Variants in CLSTN1 observed in about 807,000 individuals in gnomAD.
CLSTN1 encodes calsyntenin-1.
CLSTN1 carries 28 observed loss-of-function variants against 108.3 expected under a neutral mutation model. The observed-to-expected ratio is 0.26, with a 90% confidence interval of 0.19 to 0.35. CLSTN1 has a LOEUF of 0.35. Ranked by LOEUF, CLSTN1 falls within the 10% of genes least tolerant of loss-of-function variation. The probability of loss-of-function intolerance (pLI) is 1.00; values close to 1 mark genes in which losing one functional copy is unlikely to be tolerated. For missense variants in CLSTN1, 1,157 were observed against 1,302.6 expected (o/e 0.89, Z 1.72); for synonymous variants, 524 against 534.9 (o/e 0.98, Z 0.28).
chr1:9,818,003 C>CTT (rs35244076), intron 1 of CLSTN1, among the ~76,000 whole-genome samples: 1 of 89,112 alleles, frequency 1.1e-5, no homozygotes, highest in Non-Finnish European at 2.3e-5. Flanking sequence ...GTTAGTTTGG[C>CTT]TTTTTTTTTT....
chr1:9,737,303 C>T (rs953546498), intron 11 of CLSTN1, among the ~76,000 whole-genome samples, 195 bp downstream of exon 11: 3 of 152,014 alleles, frequency 2.0e-5, no homozygotes, highest in African/African-American at 7.3e-5. Flanking sequence ...TGTCATTTGT[C>T]CTCACTCCAG....
rs183483236 is a variant in CLSTN1 at position 9,820,322 on chromosome 1, C to T, written c.91+3321G>A. Among the ~76,000 whole-genome samples, 52 of 152,214 alleles carry T rather than the reference C, an allele frequency of 3.4e-4. 1 individual carries two copies. In the East Asian group the frequency reaches 9.5e-3, roughly 28 times the overall value. ...ATCACTTGAGGTCAGAAGTTCAGAC[C>T]AGCCTGGCCAACATGGTGAAACCCT... On this transcript the variant is annotated intron_variant, in intron 1 of 18. Transcript: ENST00000377298.
chr1:9,735,992 T>C lies in CLSTN1; in HGVS notation c.1627A>G (p.Thr543Ala), dbSNP rs750117820. ...QFFRGNLAGL[T>A]LRSGKLADKK... Reference sequence around the variant, plus strand: ...TCCGCGAGTTTCCCGGAACGGAGAGTTAAGCCAGCCAGATTGCCTCGGAAA... The same window carrying C: ...TCCGCGAGTTTCCCGGAACGGAGAGCTAAGCCAGCCAGATTGCCTCGGAAA... The change falls in exon 12 of 19, where the codon ACT (threonine) becomes GCT (alanine). Residue 543 changes from threonine to alanine, a missense_variant. Coordinates refer to ENST00000377298, the MANE Select transcript of CLSTN1 (RefSeq NM_001009566.3). 2 of 1,613,784 alleles carry C rather than the reference T, an allele frequency of 1.2e-6. No homozygotes were observed. Among genetic ancestry groups the C allele is most frequent in the Non-Finnish European group, 1.7e-6 (2 of 1,180,006 alleles).
At chr1:9,743,694 T>C (rs956533188) in intron 9 of CLSTN1, among the ~76,000 whole-genome samples, 190 bp downstream of exon 9, 1 of 151,644 alleles carries the variant, frequency 6.6e-6, no homozygotes, top group African/African-American at 2.4e-5. Flanking sequence ...ACTACAGGCA[T>C]GTGCCACCAT....
At position 9,749,465 on chromosome 1, in the gene CLSTN1, G is replaced by A; in HGVS notation, c.981C>T (p.Leu327=). 1 of 1,609,236 alleles carries A rather than the reference G, an allele frequency of 6.2e-7. No individual in the cohort carries two copies. Among genetic ancestry groups the A allele is most frequent in the Non-Finnish European group, 8.5e-7 (1 of 1,178,714 alleles). Reference sequence around the variant, plus strand: ...AAGAACGCCTGGTCTCCTTACCACAGAGCCGGTGGAGGGACTTCTCTGAGT... The same window carrying A: ...AAGAACGCCTGGTCTCCTTACCACAAAGCCGGTGGAGGGACTTCTCTGAGT... The part of the protein sequence containing the change: ...DTYSEKSLHR[L]CGAAAGTAEL... Residue 327 remains leucine, a synonymous_variant, in exon 7 of 19, where the codon CTC becomes CTT. Coordinates refer to ENST00000377298, the MANE Select transcript of CLSTN1 (RefSeq NM_001009566.3).
chr1:9,742,437 C>T (rs995826284), intron 9 of CLSTN1, among the ~76,000 whole-genome samples: 2 of 152,164 alleles, frequency 1.3e-5, no homozygotes, highest in African/African-American at 4.8e-5. Context: ...TAAGGGCACA[C>T]AGGGCTATTC....
intron 2 of CLSTN1, among the ~76,000 whole-genome samples, chr1:9,771,978 C>T (rs1305803388): frequency 2.8e-5 from 4 of 144,424 alleles, no homozygotes; most frequent in Middle Eastern, 7.3e-3. Flanking sequence ...AAATAGAACA[C>T]TTTTTTTTTT....
intron 2 of CLSTN1, among the ~76,000 whole-genome samples, chr1:9,759,845 A>T (rs1021212359): frequency 1.3e-5 from 2 of 152,206 alleles, no homozygotes; most frequent in Non-Finnish European, 2.9e-5. Flanking sequence ...GGATGTGCTA[A>T]CTCACAATAT....
intron 11 of CLSTN1, among the ~76,000 whole-genome samples, 156 bp from the exon 12 acceptor site, chr1:9,736,198 A>C (rs1650683539): frequency 6.6e-6 from 1 of 152,204 alleles, no homozygotes; most frequent in African/African-American, 2.4e-5. Context: ...ATCTACATGG[A>C]AGCGCAATGA....
chr1:9,769,355 A>G (rs1652553964), intron 2 of CLSTN1, among the ~76,000 whole-genome samples: 1 of 152,066 alleles, frequency 6.6e-6, no homozygotes, highest in Admixed American at 6.5e-5. Flanking sequence ...TCACAGCAGC[A>G]TGACCCATAA....
chr1:9,796,573 A>G (rs1250783284), intron 1 of CLSTN1, among the ~76,000 whole-genome samples: 1 of 150,560 alleles, frequency 6.6e-6, no homozygotes, highest in Non-Finnish European at 1.5e-5. Context: ...AGTCCCAGCA[A>G]CTCAGGAGGC....
At position 9,731,020 on chromosome 1, in the gene CLSTN1, C is replaced by A. The variant is rs1650353790; in HGVS notation, c.2748+186G>T. 3 of 689,428 alleles carry A rather than the reference C, an allele frequency of 4.4e-6. No homozygotes were observed. The Admixed American group carries it at 7.6e-5, about 18-fold the overall frequency. The allele number at this position is 689,428 out of a possible 1,614,324, so 42.7% of individuals were successfully genotyped here. ...GCATGGCTCTTCTCTACACTTAAGGCAGAACGGCCTTGAATAAGGTCTCTC... is the reference window on the plus strand; with the variant it reads ...GCATGGCTCTTCTCTACACTTAAGGAAGAACGGCCTTGAATAAGGTCTCTC... On this transcript the variant is annotated intron_variant, in intron 18 of 18. Transcript: ENST00000377298.
Position 9,763,179 on chromosome 1 carries a change from C to T in CLSTN1, c.215-6669G>A, listed in dbSNP as rs561012438. 2.6e-5 allele frequency among the ~76,000 whole-genome samples: 4 copies of T among 152,266 alleles called. No individual in the cohort carries two copies. The South Asian group carries it at 6.2e-4, about 24-fold the overall frequency. On this transcript the variant is annotated intron_variant, in intron 2 of 18. Coordinates refer to ENST00000377298, the MANE Select transcript of CLSTN1 (RefSeq NM_001009566.3). Reference sequence around the variant, plus strand: ...GTTTCACCATGTTGGCCAGGCTGGTCTCAAACTCCTGACCTCAAGTGATCT... The same window carrying T: ...GTTTCACCATGTTGGCCAGGCTGGTTTCAAACTCCTGACCTCAAGTGATCT...
At chr1:9,799,912 G>A (rs1654181240) in intron 1 of CLSTN1, among the ~76,000 whole-genome samples, 1 of 152,152 alleles carries the variant, frequency 6.6e-6, no homozygotes, top group Non-Finnish European at 1.5e-5. Context: ...CTGCACTCTA[G>A]CCTGGGTGAC....
chr1:9,776,511 TGTA>T (rs1652949013), intron 1 of CLSTN1, among the ~76,000 whole-genome samples: 1 of 151,952 alleles, frequency 6.6e-6, no homozygotes. Context: ...AAAATTTTGC[TGTA>T]GTTTACATTT....
intron 1 of CLSTN1, among the ~76,000 whole-genome samples, chr1:9,813,257 G>A (rs1300729806): frequency 6.6e-6 from 1 of 152,084 alleles, no homozygotes; most frequent in African/African-American, 2.4e-5. Flanking sequence ...TAGCACTTTG[G>A]GAGGCTGAGG....
intron 9 of CLSTN1, among the ~76,000 whole-genome samples, chr1:9,742,651 T>G (rs1651039761): frequency 6.6e-6 from 1 of 152,214 alleles, no homozygotes; most frequent in Non-Finnish European, 1.5e-5. Context: ...TGGTAATAGT[T>G]TCTGAGAAAT....
At chr1:9,762,089 C>G (rs1652101965) in intron 2 of CLSTN1, among the ~76,000 whole-genome samples, 1 of 152,170 alleles carries the variant, frequency 6.6e-6, no homozygotes, top group South Asian at 2.1e-4. Flanking sequence ...CACCTGTTCA[C>G]TTGGCTAGGG....
At chr1:9,733,917 T>C in intron 15 of CLSTN1, 55 bp downstream of exon 15, 1 of 1,541,310 alleles carries the variant, frequency 6.5e-7, no homozygotes, top group South Asian at 1.2e-5. Context: ...CCAAGAGCTC[T>C]CAAAGTCCCC....
Sources: allele counts gnomAD v4.1 joint callset (sites outside exome capture counted in the v4.1 genomes callset), GRCh38; gene constraint gnomAD v4.1.1; transcripts MANE v1.5; gene names NCBI Gene and HGNC (gene_info 2026-07-23, HGNC 2026-07-21).